SGCD: variants seen among roughly 807,000 people sequenced by gnomAD.
The protein encoded by SGCD is sarcoglycan delta, also known as delta-sarcoglycan.
SGCD carries 18 observed loss-of-function variants against 36.6 expected under a neutral mutation model. The ratio of observed to expected loss-of-function variants is 0.49; its 90% CI spans 0.34 to 0.73. The LOEUF is 0.73. Ranked by LOEUF, SGCD falls within the 30% of genes least tolerant of loss-of-function variation. The probability of loss-of-function intolerance (pLI) is 0.01; values close to 1 mark genes in which losing one functional copy is unlikely to be tolerated. For missense variants in SGCD, 387 were observed against 346.7 expected (o/e 1.12, Z -0.92); for synonymous variants, 133 against 130.6 (o/e 1.02, Z -0.12).
intron 1 of SGCD, among the ~76,000 whole-genome samples, chr5:155,932,447 G>A (rs1757117028): frequency 6.6e-6 from 1 of 152,122 alleles, no homozygotes; most frequent in African/African-American, 2.4e-5. Context: ...CATATCAATA[G>A]AGGTAATCAT....
chr5:156,535,300 T>C (rs916013128), intron 4 of SGCD, among the ~76,000 whole-genome samples: 5 of 152,344 alleles, frequency 3.3e-5, no homozygotes. Flanking sequence ...CACAGTTGAT[T>C]GACTTTAATA....
intron 3 of SGCD, among the ~76,000 whole-genome samples, chr5:156,285,985 C>A (rs943670283): frequency 1.3e-5 from 2 of 152,116 alleles, no homozygotes; most frequent in African/African-American, 4.8e-5. Context: ...AAGAAAAAAA[C>A]GAACAACCCT....
At chr5:156,100,931 C>T (rs1265588939) in intron 1 of SGCD, among the ~76,000 whole-genome samples, 1 of 152,096 alleles carries the variant, frequency 6.6e-6, no homozygotes, top group Non-Finnish European at 1.5e-5. Flanking sequence ...TTGTCAAAGC[C>T]TAAATCCCCC....
intron 3 of SGCD, among the ~76,000 whole-genome samples, chr5:156,423,381 A>T (rs1209120683): frequency 3.2e-5 from 3 of 93,716 alleles, no homozygotes; most frequent in South Asian, 3.2e-4. Context: ...TTTTATTATA[A>T]TATAATATAT....
At chr5:155,915,504 C>A (rs772960633) in intron 1 of SGCD, among the ~76,000 whole-genome samples, 18 of 152,122 alleles carry the variant, frequency 1.2e-4, no homozygotes, top group Non-Finnish European at 2.4e-4. Flanking sequence ...CTACTGAATG[C>A]AGGATGAAAT....
chr5:156,753,511 G>T (rs1757228048), intron 7 of SGCD, among the ~76,000 whole-genome samples: 1 of 152,182 alleles, frequency 6.6e-6, no homozygotes. Flanking sequence ...TTTCCACAGG[G>T]TTTTGGTAGG....
chr5:155,947,153 C>A (rs1419926037), intron 1 of SGCD, among the ~76,000 whole-genome samples: 2 of 152,156 alleles, frequency 1.3e-5, no homozygotes, highest in African/African-American at 4.8e-5. Context: ...TTCCCTTTAG[C>A]TACTATGGCA....
At chr5:156,584,907 G>T (rs1760430203) in intron 4 of SGCD, among the ~76,000 whole-genome samples, 1 of 152,032 alleles carries the variant, frequency 6.6e-6, no homozygotes. Context: ...CTCTTAATTT[G>T]ATCTGAGCAT....
intron 3 of SGCD, among the ~76,000 whole-genome samples, chr5:156,241,285 T>C (rs980954215): frequency 5.3e-5 from 8 of 151,434 alleles, no homozygotes; most frequent in African/African-American, 1.5e-4. Flanking sequence ...TGTGTGTGTG[T>C]GTGCATGTAT....
At chr5:156,545,109 G>T (rs574918933) in intron 4 of SGCD, among the ~76,000 whole-genome samples, 34 of 152,228 alleles carry the variant, frequency 2.2e-4, no homozygotes, top group African/African-American at 7.5e-4. Flanking sequence ...TATTCTTCTA[G>T]GTAGTGACTT....
At chr5:155,874,295 A>G (rs2113281413) in intron 1 of SGCD, among the ~76,000 whole-genome samples, 1 of 152,284 alleles carries the variant, frequency 6.6e-6, no homozygotes, top group African/African-American at 2.4e-5. Flanking sequence ...ATTAAAAATA[A>G]CAGCAGCAAC....
At chr5:155,988,920 C>T (rs1246025310) in intron 1 of SGCD, among the ~76,000 whole-genome samples, 1 of 152,118 alleles carries the variant, frequency 6.6e-6, no homozygotes, top group Non-Finnish European at 1.5e-5. Context: ...CCATTTCTTT[C>T]CAATGGACAG....
intron 7 of SGCD, among the ~76,000 whole-genome samples, chr5:156,650,406 T>C (rs747874649): frequency 2.6e-5 from 4 of 152,108 alleles, no homozygotes; most frequent in Non-Finnish European, 4.4e-5. Flanking sequence ...TGTTGCATGA[T>C]GCTGAGGTTT....
At chr5:156,166,846 C>T (rs1295069554) in intron 3 of SGCD, among the ~76,000 whole-genome samples, 1 of 152,172 alleles carries the variant, frequency 6.6e-6, no homozygotes, top group African/African-American at 2.4e-5. Context: ...GCAGTGCTTC[C>T]TTGCCATGTG....
chr5:155,883,137 G>A (rs547720555), intron 1 of SGCD, among the ~76,000 whole-genome samples: 1 of 152,274 alleles, frequency 6.6e-6, no homozygotes, highest in African/African-American at 2.4e-5. Context: ...GCAAAGAATT[G>A]AAGAGAGTTA....
intron 1 of SGCD, among the ~76,000 whole-genome samples, chr5:156,067,854 G>T (rs1451695672): frequency 6.5e-5 from 9 of 138,670 alleles, no homozygotes; most frequent in Non-Finnish European, 1.3e-4. Flanking sequence ...ACTCCCTAGA[G>T]AGATGAACCC....
chr5:156,670,581 A>G (rs1306635774), intron 7 of SGCD, among the ~76,000 whole-genome samples: 1 of 152,200 alleles, frequency 6.6e-6, no homozygotes, highest in East Asian at 1.9e-4. Context: ...CCTTTTCAAA[A>G]CAAAGAGTAA....
intron 7 of SGCD, among the ~76,000 whole-genome samples, chr5:156,750,384 G>T (rs1757106301): frequency 6.6e-6 from 1 of 152,014 alleles, no homozygotes; most frequent in Non-Finnish European, 1.5e-5. Flanking sequence ...AAAAGAAAAA[G>T]AATTAGTATA....
chr5:156,481,078 A>G (rs1378545946), intron 3 of SGCD, among the ~76,000 whole-genome samples: 1 of 152,230 alleles, frequency 6.6e-6, no homozygotes, highest in African/African-American at 2.4e-5. Context: ...TCAAGAGCAC[A>G]GTAATAGTAT....
Sources: gnomAD v4.1 joint callset for allele counts (sites outside exome capture counted in the v4.1 genomes callset) on GRCh38, gnomAD v4.1.1 for gene constraint, MANE v1.5 for transcripts, NCBI Gene and HGNC (gene_info 2026-07-23, HGNC 2026-07-21) for gene names.